Variants in MYO9A observed in about 807,000 individuals in gnomAD.
MYO9A encodes the protein myosin IXA, also known as unconventional myosin-IXa.
Under a neutral mutation model 293.3 loss-of-function variants are expected in MYO9A, and 103 were observed. The observed-to-expected ratio is 0.35, with a 90% CI of 0.30 to 0.41. The LOEUF is 0.41. Among genes scored for constraint, MYO9A ranks in the 10% least tolerant of loss-of-function variants. The pLI is 1.00. For synonymous variants in MYO9A, 1,001 were observed against 1,035.7 expected (o/e 0.97, Z 0.64); for missense variants, 2,685 against 3,033.0 (o/e 0.89, Z 2.69).
intron 6 of MYO9A, among the ~76,000 whole-genome samples, 180 bp from the exon 7 acceptor site, chr15:72,010,627 C>T (rs1413308405): frequency 6.6e-6 from 1 of 152,130 alleles, no homozygotes; most frequent in African/African-American, 2.4e-5. Flanking sequence ...GGTATGGAAA[C>T]TAAACACATA....
intron 6 of MYO9A, among the ~76,000 whole-genome samples, chr15:72,017,154 G>C (rs564225713): frequency 3.7e-4 from 56 of 151,330 alleles, no homozygotes; most frequent in Non-Finnish European, 7.8e-4. Flanking sequence ...CTGAGTAGCT[G>C]GAACTACAGG....
chr15:71,894,958 T>G (rs1181171106), intron 25 of MYO9A, among the ~76,000 whole-genome samples: 1 of 152,212 alleles, frequency 6.6e-6, no homozygotes, highest in Non-Finnish European at 1.5e-5. Flanking sequence ...CACTAACTTA[T>G]GATACTAGTT....
intron 1 of MYO9A, among the ~76,000 whole-genome samples, chr15:72,110,463 A>ATTC (rs1200991702): frequency 6.6e-6 from 1 of 150,950 alleles, no homozygotes; most frequent in Non-Finnish European, 1.5e-5. Flanking sequence ...AAAAAAGAAA[A>ATTC]TTCCAGAGAT....
At chr15:72,116,640 T>C (rs1416738666) in intron 1 of MYO9A, among the ~76,000 whole-genome samples, 1 of 152,146 alleles carries the variant, frequency 6.6e-6, no homozygotes, top group African/African-American at 2.4e-5. Context: ...CCAAAAAAAG[T>C]CCCCTAGTAT....
intron 39 of MYO9A, among the ~76,000 whole-genome samples, chr15:71,838,618 G>T (rs2055030223): frequency 6.6e-6 from 1 of 152,148 alleles, no homozygotes; most frequent in South Asian, 2.1e-4. Context: ...TTGATAAGTA[G>T]TAGGTCTCAA....
At chr15:71,840,726 T>C (rs2055123662) in intron 39 of MYO9A, among the ~76,000 whole-genome samples, 2 of 152,038 alleles carry the variant, frequency 1.3e-5, no homozygotes, top group Non-Finnish European at 2.9e-5. Flanking sequence ...GCCTCTGGGG[T>C]TCACGCCATT....
At chr15:72,041,373 C>A in intron 2 of MYO9A, 1 of 498,340 alleles carries the variant, frequency 2.0e-6, no homozygotes, top group South Asian at 1.6e-5. Flanking sequence ...ATCTTGAATG[C>A]ATATCAGTTG....
intron 2 of MYO9A, among the ~76,000 whole-genome samples, chr15:72,035,753 T>G (rs2149486208): frequency 6.6e-6 from 1 of 152,254 alleles, no homozygotes; most frequent in African/African-American, 2.4e-5. Context: ...AGCAGTAAGC[T>G]GTGACTGTAC....
At chr15:72,059,855 A>T (rs974487401) in intron 1 of MYO9A, among the ~76,000 whole-genome samples, 3 of 152,198 alleles carry the variant, frequency 2.0e-5, no homozygotes, top group African/African-American at 7.2e-5. Context: ...TTTAAACTGC[A>T]TTTTAAAAAT....
intron 2 of MYO9A, among the ~76,000 whole-genome samples, chr15:72,034,662 TTAA>T (rs2077987243): frequency 6.6e-6 from 1 of 152,182 alleles, no homozygotes; most frequent in Admixed American, 6.5e-5. Flanking sequence ...ATAGCACAGA[TTAA>T]TAAAATGTAG....
At position 72,118,057 on chromosome 15, in the gene MYO9A, C is replaced by A; in HGVS notation, c.-449G>T. On this transcript the variant is annotated 5_prime_UTR_variant, in exon 1 of 42. Coordinates refer to ENST00000356056, the MANE Select transcript of MYO9A (RefSeq NM_006901.4). ...CAACAGACACAGCCAACCGCCGCCGCGTCCCTTATCCGCTTCGGTCGCGCG... is the reference window on the plus strand; with the variant it reads ...CAACAGACACAGCCAACCGCCGCCGAGTCCCTTATCCGCTTCGGTCGCGCG... 7.6e-6 allele frequency: 3 copies of A among 395,984 alleles called. No homozygotes were observed. Among genetic ancestry groups the A allele is most frequent in the Non-Finnish European group, 1.3e-5 (3 of 224,312 alleles). 24.5% of individuals were successfully genotyped at this position (395,984 alleles called of 1,614,324 possible). A position where few individuals can be genotyped will look rare whatever the true frequency, so the allele number is the denominator to read the frequency against.
At chr15:72,099,532 G>A (rs1308416525) in intron 1 of MYO9A, among the ~76,000 whole-genome samples, 1 of 151,688 alleles carries the variant, frequency 6.6e-6, no homozygotes, top group Non-Finnish European at 1.5e-5. Flanking sequence ...AGCCTGGGAG[G>A]TCAAGACTGC....
intron 39 of MYO9A, among the ~76,000 whole-genome samples, chr15:71,838,819 CT>C (rs1251121094): frequency 3.3e-5 from 5 of 152,176 alleles, no homozygotes; most frequent in Non-Finnish European, 1.5e-5. Context: ...AGAGAGCTAA[CT>C]ATTCTCAGTT....
intron 34 of MYO9A, 39 bp downstream of exon 34, chr15:71,859,696 A>G: frequency 6.6e-7 from 1 of 1,520,502 alleles, no homozygotes; most frequent in Non-Finnish European, 9.1e-7. Flanking sequence ...AAAGACCAAC[A>G]GGTCTGTTAT....
At chr15:71,881,348 G>A (rs1399642487) in intron 28 of MYO9A, among the ~76,000 whole-genome samples, 1 of 151,694 alleles carries the variant, frequency 6.6e-6, no homozygotes, top group Non-Finnish European at 1.5e-5. Context: ...GTGTATGCTC[G>A]TTACCCTCTG....
intron 2 of MYO9A, among the ~76,000 whole-genome samples, chr15:72,037,415 G>A (rs1260771070): frequency 6.6e-6 from 1 of 152,046 alleles, no homozygotes; most frequent in Non-Finnish European, 1.5e-5. Flanking sequence ...ATATGTCGAT[G>A]CTCACAAAAC....
intron 2 of MYO9A, among the ~76,000 whole-genome samples, chr15:72,038,234 C>T (rs920182396): frequency 6.6e-6 from 1 of 152,100 alleles, no homozygotes; most frequent in Admixed American, 6.6e-5. Flanking sequence ...AAATACAGAA[C>T]TCTTAAATGC....
At chr15:71,964,325 T>C (rs978379766) in intron 13 of MYO9A, among the ~76,000 whole-genome samples, 3 of 152,138 alleles carry the variant, frequency 2.0e-5, no homozygotes, top group African/African-American at 7.2e-5. Context: ...GATTTCTCTT[T>C]TCCTAGTTTC....
intron 8 of MYO9A, among the ~76,000 whole-genome samples, chr15:72,003,318 GCAA>G (rs2076923956): frequency 6.8e-6 from 1 of 146,224 alleles, no homozygotes. Flanking sequence ...CTCACACAAA[GCAA>G]AAGAAAAAAA....
Sources: allele counts gnomAD v4.1 joint callset (sites outside exome capture counted in the v4.1 genomes callset), GRCh38; gene constraint gnomAD v4.1.1; transcripts MANE v1.5; gene names NCBI Gene and HGNC (gene_info 2026-07-23, HGNC 2026-07-21).